BTBD8: variants seen among roughly 807,000 people sequenced by gnomAD.
BTBD8 encodes BTB domain containing 8, also known as BTB/POZ domain-containing protein 8.
In BTBD8, 110 loss-of-function variants were observed where a neutral mutation model predicts 162.9. The ratio of observed to expected loss-of-function variants is 0.68; its 90% CI spans 0.58 to 0.79. BTBD8 has a LOEUF of 0.79. Among genes scored for constraint, BTBD8 ranks in the 30% least tolerant of loss-of-function variants. The pLI is 0.00. For missense variants in BTBD8, 1,905 were observed against 2,085.4 expected (o/e 0.91, Z 1.68); for synonymous variants, 667 against 716.1 (o/e 0.93, Z 1.10).
At chr1:92,102,703 C>A (rs193275023) in intron 3 of BTBD8, 34 bp downstream of exon 3, 2 of 1,370,278 alleles carry the variant, frequency 1.5e-6, no homozygotes, top group Non-Finnish European at 1.9e-6. Flanking sequence ...TATTTATAGC[C>A]GTAAAAATAA....
rs781459616 is a variant in BTBD8, at chr1:92,177,430, C to T, written c.2237C>T (p.Pro746Leu). The T allele has an allele frequency of 3.4e-4, 531 of 1,551,412 alleles. No individual in the cohort carries two copies. Among genetic ancestry groups the T allele is most frequent in the Non-Finnish European group, 4.4e-4 (503 of 1,146,918 alleles). The part of the protein sequence containing the change: ...FSISTECLDE[P>L]KENGSTEEEK... Reference sequence around the variant, plus strand: ...ATTTCCACTGAATGTCTGGATGAACCGAAAGAAAATGGATCAACAGAAGAA... The same window carrying T: ...ATTTCCACTGAATGTCTGGATGAACTGAAAGAAAATGGATCAACAGAAGAA... The change falls in exon 14 of 18, where the codon CCG becomes CTG. Residue 746 changes from proline to leucine, a missense_variant. Physicochemically the swap from Pro to Leu is moderately conservative, Grantham distance 98 (BLOSUM62 -3). Coordinates refer to ENST00000636805, the MANE Select transcript of BTBD8 (RefSeq NM_001376131.1).
intron 9 of BTBD8, among the ~76,000 whole-genome samples, chr1:92,163,184 C>T (rs1289012109): frequency 1.3e-5 from 2 of 151,560 alleles, no homozygotes; most frequent in African/African-American, 4.8e-5. Context: ...GAAACCCCGT[C>T]TCTACTAAAA....
At chr1:92,156,631 G>A (rs1650163399) in intron 9 of BTBD8, among the ~76,000 whole-genome samples, 1 of 152,108 alleles carries the variant, frequency 6.6e-6, no homozygotes, top group Admixed American at 6.5e-5. Context: ...TTATCAGTCT[G>A]TTCAGATTTT....
At chr1:92,093,712 C>T (rs1348561300) in intron 2 of BTBD8, among the ~76,000 whole-genome samples, 1 of 152,096 alleles carries the variant, frequency 6.6e-6, no homozygotes, top group Non-Finnish European at 1.5e-5. Flanking sequence ...AGCGCAGTGG[C>T]CTGGGCATGT....
chr1:92,158,956 C>T (rs910603343), intron 9 of BTBD8, among the ~76,000 whole-genome samples: 8 of 151,944 alleles, frequency 5.3e-5, no homozygotes, highest in African/African-American at 1.9e-4. Context: ...ATGGTTTCAC[C>T]ATGTTGCCTA....
chr1:92,169,582 AT>A (rs139983789), intron 12 of BTBD8, among the ~76,000 whole-genome samples: 5,548 of 152,286 alleles, frequency 0.036, 110 homozygotes, highest in African/African-American at 0.04. Context: ...TTTAAAAAAA[AT>A]ATCAAAATAA....
chr1:92,100,325 C>T (rs545801363), intron 2 of BTBD8, among the ~76,000 whole-genome samples: 6 of 152,164 alleles, frequency 3.9e-5, no homozygotes, highest in African/African-American at 1.4e-4. Context: ...ATTAGTAATA[C>T]TGGCCTCACA....
intron 4 of BTBD8, among the ~76,000 whole-genome samples, chr1:92,112,444 G>A (rs1648925393): frequency 1.3e-5 from 2 of 152,046 alleles, no homozygotes; most frequent in Admixed American, 1.3e-4. Flanking sequence ...GTGTATATAT[G>A]TATTGTTTTT....
intron 3 of BTBD8, among the ~76,000 whole-genome samples, chr1:92,105,738 T>A (rs981583): frequency 0.6 from 90,649 of 152,138 alleles, 27,742 homozygotes; most frequent in East Asian, 0.97. Context: ...CAAAGAACAA[T>A]TCATGAATCA....
chr1:92,115,176 G>T, intron 4 of BTBD8: 1 of 534,896 alleles, frequency 1.9e-6, no homozygotes, highest in South Asian at 1.5e-5. Context: ...AGCACCAGTA[G>T]ATAGATGCAG....
At chr1:92,145,907 G>A (rs1473669811) in intron 7 of BTBD8, among the ~76,000 whole-genome samples, 2 of 152,094 alleles carry the variant, frequency 1.3e-5, no homozygotes, top group East Asian at 3.9e-4. Context: ...CTTGAACCCA[G>A]GAGGCGGAGA....
At chr1:92,100,078 T>G (rs989774304) in intron 2 of BTBD8, among the ~76,000 whole-genome samples, 1 of 152,228 alleles carries the variant, frequency 6.6e-6, no homozygotes, top group Non-Finnish European at 1.5e-5. Flanking sequence ...GTGTTGGGCT[T>G]TGTCAAATGA....
chr1:92,138,713 G>A (rs533177093), intron 5 of BTBD8, among the ~76,000 whole-genome samples: 1 of 152,184 alleles, frequency 6.6e-6, no homozygotes, highest in East Asian at 1.9e-4. Context: ...GATGCAAGAC[G>A]CTATGTAGCA....
At chr1:92,108,355 C>G (rs1225837846) in intron 4 of BTBD8, among the ~76,000 whole-genome samples, 1 of 152,188 alleles carries the variant, frequency 6.6e-6, no homozygotes, top group Non-Finnish European at 1.5e-5. Context: ...TTGAAAGCCA[C>G]TGTCATAGAA....
At chr1:92,104,649 A>G (rs932124751) in intron 3 of BTBD8, among the ~76,000 whole-genome samples, 3 of 152,194 alleles carry the variant, frequency 2.0e-5, no homozygotes, top group African/African-American at 7.2e-5. Context: ...CACTCCATGG[A>G]AAATCCCCAC....
At chr1:92,086,864 A>T (rs1275443016) in intron 1 of BTBD8, among the ~76,000 whole-genome samples, 1 of 152,172 alleles carries the variant, frequency 6.6e-6, no homozygotes, top group East Asian at 1.9e-4. Flanking sequence ...TGCCTCTGGA[A>T]CTGTGAACCA....
At chr1:92,133,713 G>A (rs914389047) in intron 5 of BTBD8, among the ~76,000 whole-genome samples, 3 of 152,214 alleles carry the variant, frequency 2.0e-5, no homozygotes, top group African/African-American at 7.2e-5. Flanking sequence ...GCTCACGCCT[G>A]TAATCCCAGC....
intron 1 of BTBD8, among the ~76,000 whole-genome samples, chr1:92,082,863 A>G (rs1376599456): frequency 6.6e-6 from 1 of 152,172 alleles, no homozygotes; most frequent in African/African-American, 2.4e-5. Context: ...AAAAACACTA[A>G]TACTTATTGC....
At chr1:92,084,515 G>T (rs1648102620) in intron 1 of BTBD8, among the ~76,000 whole-genome samples, 1 of 152,192 alleles carries the variant, frequency 6.6e-6, no homozygotes, top group Admixed American at 6.5e-5. Flanking sequence ...TATGAAGGTT[G>T]CCAGGTGGAG....
Sources: allele counts gnomAD v4.1 joint callset (sites outside exome capture counted in the v4.1 genomes callset), GRCh38; gene constraint gnomAD v4.1.1; transcripts MANE v1.5; gene names NCBI Gene and HGNC (gene_info 2026-07-23, HGNC 2026-07-21).